CHST15: variants seen among roughly 807,000 people sequenced by gnomAD.
The protein encoded by CHST15 is carbohydrate sulfotransferase 15.
Under a neutral mutation model 53.6 loss-of-function variants are expected in CHST15, and 30 were observed. That is an observed-to-expected ratio of 0.56 (90% CI 0.42 to 0.76). CHST15 has a LOEUF of 0.76. Ranked by LOEUF, CHST15 falls within the 30% of genes least tolerant of loss-of-function variation. CHST15 has a pLI of 0.00. For missense variants in CHST15, 627 were observed against 740.5 expected (o/e 0.85, Z 1.78); for synonymous variants, 296 against 289.8 (o/e 1.02, Z -0.22).
At chr10:124,028,782 C>T (rs963554269) in intron 5 of CHST15, among the ~76,000 whole-genome samples, 1 of 152,350 alleles carries the variant, frequency 6.6e-6, no homozygotes, top group Middle Eastern at 3.4e-3. Context: ...TCTCAGAGGG[C>T]CACCTTTGAG....
chr10:124,047,923 C>T (rs1315514577), intron 1 of CHST15, among the ~76,000 whole-genome samples: 3 of 152,218 alleles, frequency 2.0e-5, no homozygotes, highest in Non-Finnish European at 2.9e-5. Flanking sequence ...AGACTCATCT[C>T]CAACTCTACC....
Position 124,049,681 on chromosome 10 carries a change from G to A in CHST15, c.-512-2957C>T, listed in dbSNP as rs1006458698. ...CACACACCCTCCTCCACCATACCTCGCCCCATGCGTCTCATCTGCTGGCTG... is the reference window on the plus strand; with the variant it reads ...CACACACCCTCCTCCACCATACCTCACCCCATGCGTCTCATCTGCTGGCTG... On this transcript the variant is annotated intron_variant, in intron 1 of 7. Transcript: ENST00000435907. Among the ~76,000 whole-genome samples the A allele has an allele frequency of 5.9e-5, 9 of 152,306 alleles. No homozygotes were observed. In the East Asian group the frequency reaches 1.3e-3, roughly 23 times the overall value.
At chr10:124,072,261 AC>A (rs1329623580) in intron 1 of CHST15, among the ~76,000 whole-genome samples, 2 of 151,870 alleles carry the variant, frequency 1.3e-5, no homozygotes, top group African/African-American at 4.8e-5. Context: ...CAGGACACAC[AC>A]CCCAGCTGGG....
intron 5 of CHST15, among the ~76,000 whole-genome samples, chr10:124,029,170 T>C (rs940722674): frequency 6.6e-6 from 1 of 152,208 alleles, no homozygotes; most frequent in Non-Finnish European, 1.5e-5. Flanking sequence ...TATATATTTT[T>C]TTCCTACCAG....
intron 1 of CHST15, among the ~76,000 whole-genome samples, chr10:124,054,016 T>C (rs1948294195): frequency 6.6e-6 from 1 of 152,166 alleles, no homozygotes; most frequent in African/African-American, 2.4e-5. Flanking sequence ...CCAGGTTATT[T>C]TCTGACAAAA....
chr10:124,055,256 A>G (rs1161851435), intron 1 of CHST15, among the ~76,000 whole-genome samples: 1 of 152,190 alleles, frequency 6.6e-6, no homozygotes, highest in Non-Finnish European at 1.5e-5. Context: ...TCCTAGGTCC[A>G]GGTAAAACTA....
At chr10:124,092,956 C>A (rs1949648651) in intron 1 of CHST15, among the ~76,000 whole-genome samples, 1 of 152,222 alleles carries the variant, frequency 6.6e-6, no homozygotes, top group Non-Finnish European at 1.5e-5. Flanking sequence ...ACGCGGCTTG[C>A]GCCCCCCGCC....
chr10:124,057,814 AT>A (rs1948432678), intron 1 of CHST15, among the ~76,000 whole-genome samples: 1 of 152,130 alleles, frequency 6.6e-6, no homozygotes, highest in South Asian at 2.1e-4. Flanking sequence ...TTGCTCTCTA[AT>A]AGGGTAATCA....
chr10:124,088,740 G>A (rs377669578), intron 1 of CHST15, among the ~76,000 whole-genome samples: 2 of 152,140 alleles, frequency 1.3e-5, no homozygotes, highest in South Asian at 2.1e-4. Flanking sequence ...CTATAGGGAC[G>A]CAGCACGTGA....
At position 124,059,684 on chromosome 10, in the gene CHST15, G is replaced by A. The variant is rs558033613; in HGVS notation, c.-512-12960C>T. On this transcript the variant is annotated intron_variant, in intron 1 of 7. Coordinates refer to ENST00000435907, the MANE Select transcript of CHST15 (RefSeq NM_001270764.2). ...GCAAATCATGATTCTGCAGATGCAC[G>A]ATGCACCCTAGAATGAATCCATTAC... Among the ~76,000 whole-genome samples, 335 of 152,276 alleles carry A rather than the reference G, an allele frequency of 2.2e-3. 1 individual carries two copies. Among genetic ancestry groups the A allele is most frequent in the African/African-American group, 7.5e-3 (310 of 41,548 alleles).
At chr10:124,059,256 C>G (rs1401079920) in intron 1 of CHST15, among the ~76,000 whole-genome samples, 1 of 152,164 alleles carries the variant, frequency 6.6e-6, no homozygotes, top group South Asian at 2.1e-4. Flanking sequence ...TCTTTTTGCA[C>G]GTTTTTGGGG....
At chr10:124,021,910 T>G (rs947839722) in intron 5 of CHST15, among the ~76,000 whole-genome samples, 1 of 151,900 alleles carries the variant, frequency 6.6e-6, no homozygotes, top group Non-Finnish European at 1.5e-5. Flanking sequence ...GAAAAAAAAA[T>G]GATGAGATGT....
rs1374610534 is a variant in CHST15 at position 124,019,046 on chromosome 10, T to C, written c.1347+2210A>G. Among the ~76,000 whole-genome samples, 1 of 152,172 alleles carries C rather than the reference T, an allele frequency of 6.6e-6. No individual in the cohort carries two copies. Among genetic ancestry groups the C allele is most frequent in the Admixed American group, 6.5e-5 (1 of 15,284 alleles). On this transcript the variant is annotated intron_variant, in intron 6 of 7. Coordinates refer to ENST00000435907, the MANE Select transcript of CHST15 (RefSeq NM_001270764.2). This position sits in a 1 kb window ranked among gnomAD's most constrained non-coding sequence, Gnocchi z 4.6. ...TCTGAGCTGCTGCTATTACTGTTTA[T>C]GCCAGGACTGAAGGTCCTCCATGCG...
intron 5 of CHST15, among the ~76,000 whole-genome samples, chr10:124,034,664 C>T (rs368702715): frequency 2.1e-5 from 3 of 146,178 alleles, no homozygotes; most frequent in Non-Finnish European, 3.0e-5. Flanking sequence ...AACAGGGACC[C>T]CGGCTCTACC....
intron 1 of CHST15, among the ~76,000 whole-genome samples, chr10:124,048,470 C>T (rs1193797324): frequency 6.6e-6 from 1 of 152,190 alleles, no homozygotes; most frequent in African/African-American, 2.4e-5. Context: ...TCAGGCCCTA[C>T]CCCCATCTCT....
rs1163254838 is a variant in CHST15 at position 124,046,289 on chromosome 10, G to A, written c.-77C>T. 1.8e-5 allele frequency: 25 copies of A among 1,407,898 alleles called. No individual in the cohort carries two copies. The highest frequency in any genetic ancestry group is 9.3e-5 in the East Asian group (4 of 43,212). 87.2% of individuals were successfully genotyped at this position (1,407,898 alleles called of 1,614,324 possible). A position where few individuals can be genotyped will look rare whatever the true frequency, so the allele number is the denominator to read the frequency against. ...CCACGAGTCTGGATGTCCGCAAGTC[G>A]TGCTAGAAAACCTTAAGAATGCCTT... On this transcript the variant is annotated 5_prime_UTR_variant, in exon 2 of 8. The change creates a new upstream start codon in the 5' untranslated region. Transcript: ENST00000435907.
Position 124,066,092 on chromosome 10 carries a change from C to T in CHST15, c.-512-19368G>A, listed in dbSNP as rs557246333. Among the ~76,000 whole-genome samples, 6 of 152,208 alleles carry T rather than the reference C, an allele frequency of 3.9e-5. No individual in the cohort carries two copies. In the East Asian group the frequency reaches 1.2e-3, roughly 29 times the overall value. On this transcript the variant is annotated intron_variant, in intron 1 of 7. Coordinates refer to ENST00000435907, the MANE Select transcript of CHST15 (RefSeq NM_001270764.2). ...CTCAGTCACTTTTTCCCCTCTTCTACCCTTCAGAAAAGGCAAAATACCAGT... is the reference window on the plus strand; with the variant it reads ...CTCAGTCACTTTTTCCCCTCTTCTATCCTTCAGAAAAGGCAAAATACCAGT...
chr10:124,084,790 C>G (rs2134235355), intron 1 of CHST15, among the ~76,000 whole-genome samples: 1 of 152,316 alleles, frequency 6.6e-6, no homozygotes, highest in Non-Finnish European at 1.5e-5. Context: ...GGTTACGTGA[C>G]ACAGAGGTCA....
Position 124,019,739 on chromosome 10 carries a change from C to T in CHST15, c.1347+1517G>A. On this transcript the variant is annotated intron_variant, in intron 6 of 7. Coordinates refer to ENST00000435907, the MANE Select transcript of CHST15 (RefSeq NM_001270764.2). The surrounding 1 kb of genome is among the most constrained non-coding windows in gnomAD (Gnocchi z 4.6). ...TCCTTTTCCACTCCTACACTATCTT[C>T]TGCTTAAAACCCTCTGAGGGGTCCC... 1.0e-6 allele frequency: 1 copy of T among 976,072 alleles called. No individual in the cohort carries two copies. Among genetic ancestry groups the T allele is most frequent in the Non-Finnish European group, 1.2e-6 (1 of 821,402 alleles). 60.5% of individuals were successfully genotyped at this position (976,072 alleles called of 1,614,324 possible). A position where few individuals can be genotyped will look rare whatever the true frequency, so the allele number is the denominator to read the frequency against.
Sources: allele counts gnomAD v4.1 joint callset (sites outside exome capture counted in the v4.1 genomes callset), GRCh38; gene constraint gnomAD v4.1.1; non-coding constraint Gnocchi (gnomAD v3.1); transcripts MANE v1.5; gene names NCBI Gene and HGNC (gene_info 2026-07-23, HGNC 2026-07-21).